The following SPMIP3 variants were observed in gnomAD, a reference collection of about 807,000 sequenced individuals.
SPMIP3 encodes protein SPMIP3.
At chr1:244,386,388 C>G in the SPMIP3 span, among the ~76,000 whole-genome samples, 481 of 152,208 alleles carry the variant, frequency 3.2e-3, 13 homozygotes, top group East Asian at 0.082. Flanking sequence ...ATAAGGAAAT[C>G]CAAAAAATCA....
the SPMIP3 span, chr1:244,378,577 C>T: frequency 1.2e-6 from 2 of 1,614,118 alleles, no homozygotes; most frequent in Non-Finnish European, 8.5e-7. Context: ...TCAAAGCCTG[C>T]CGAGCCATGG....
At chr1:244,373,527 C>T in the SPMIP3 span, among the ~76,000 whole-genome samples, 2 of 150,606 alleles carry the variant, frequency 1.3e-5, no homozygotes, top group East Asian at 4.0e-4. Flanking sequence ...CAACAGCAAA[C>T]CTCACAAAGA....
chr1:244,354,099 TACTC>T, the SPMIP3 span, among the ~76,000 whole-genome samples: 2 of 152,164 alleles, frequency 1.3e-5, no homozygotes, highest in African/African-American at 2.4e-5. Flanking sequence ...GGATGCAACT[TACTC>T]ACCAGCTCAC....
the SPMIP3 span, among the ~76,000 whole-genome samples, chr1:244,381,064 G>A: frequency 6.6e-6 from 1 of 152,064 alleles, no homozygotes; most frequent in African/African-American, 2.4e-5. Context: ...GGCGTGCAGA[G>A]TGGTAGGGGT....
At chr1:244,380,273 C>T in the SPMIP3 span, among the ~76,000 whole-genome samples, 1 of 151,844 alleles carries the variant, frequency 6.6e-6, no homozygotes, top group Non-Finnish European at 1.5e-5. Context: ...GTATGCGCCA[C>T]CATGCCCAGC....
the SPMIP3 span, among the ~76,000 whole-genome samples, chr1:244,369,810 C>T: frequency 0.039 from 5,986 of 151,920 alleles, 400 homozygotes; most frequent in East Asian, 0.29. Context: ...AGAAGCTGGC[C>T]GCCCCACCCT....
At chr1:244,358,434 A>C in the SPMIP3 span, among the ~76,000 whole-genome samples, 46,463 of 151,420 alleles carry the variant, frequency 0.31, 7,766 homozygotes, top group East Asian at 0.54. Context: ...AAAATACAAA[A>C]ACTAGCTAGG....
chr1:244,375,629 G>GTTT, the SPMIP3 span: 19 of 357,858 alleles, frequency 5.3e-5, no homozygotes, highest in South Asian at 9.9e-5. Context: ...AACTGTTAAT[G>GTTT]TTTTTTTTTT....
At chr1:244,370,303 C>A in the SPMIP3 span, among the ~76,000 whole-genome samples, 1 of 152,138 alleles carries the variant, frequency 6.6e-6, no homozygotes, top group African/African-American at 2.4e-5. Context: ...CTTGTGGAGC[C>A]GGCAGAGCCT....
the SPMIP3 span, among the ~76,000 whole-genome samples, chr1:244,368,597 T>G: frequency 6.6e-6 from 1 of 152,230 alleles, no homozygotes; most frequent in East Asian, 1.9e-4. Context: ...AGATTACCAT[T>G]CCTGGTAGGC....
the SPMIP3 span, among the ~76,000 whole-genome samples, chr1:244,367,100 G>A: frequency 1.3e-5 from 2 of 152,076 alleles, no homozygotes; most frequent in African/African-American, 4.8e-5. Context: ...GCGGTCTAGG[G>A]AGGAGGAAGT....
At chr1:244,382,192 G>C in the SPMIP3 span, among the ~76,000 whole-genome samples, 18 of 150,016 alleles carry the variant, frequency 1.2e-4, no homozygotes, top group African/African-American at 4.5e-4. Flanking sequence ...ATTCTGGTGG[G>C]GGATATACAG....
chr1:244,369,971 C>A, the SPMIP3 span, among the ~76,000 whole-genome samples: 1 of 152,102 alleles, frequency 6.6e-6, no homozygotes, highest in Non-Finnish European at 1.5e-5. Flanking sequence ...TTTCTATGGG[C>A]ACAGCTGCCA....
the SPMIP3 span, among the ~76,000 whole-genome samples, chr1:244,353,126 C>A: frequency 2.6e-5 from 4 of 152,120 alleles, no homozygotes; most frequent in South Asian, 2.1e-4. Context: ...CCTTGGACAG[C>A]GAACACTTTG....
the SPMIP3 span, chr1:244,378,494 C>T: frequency 1.2e-6 from 2 of 1,613,620 alleles, no homozygotes; most frequent in South Asian, 2.2e-5. Context: ...CAATTCCACC[C>T]AAGACAAAAT....
the SPMIP3 span, among the ~76,000 whole-genome samples, chr1:244,364,128 G>A: frequency 2.0e-5 from 3 of 149,916 alleles, no homozygotes; most frequent in East Asian, 3.9e-4. Flanking sequence ...TTTTTTTGAC[G>A]GAGTCTCACT....
At chr1:244,361,589 G>A in the SPMIP3 span, among the ~76,000 whole-genome samples, 1 of 151,584 alleles carries the variant, frequency 6.6e-6, no homozygotes, top group Non-Finnish European at 1.5e-5. Context: ...ACAAAGAAAT[G>A]ATAAATTCTT....
chr1:244,377,567 T>C, the SPMIP3 span, among the ~76,000 whole-genome samples: 2 of 152,258 alleles, frequency 1.3e-5, no homozygotes, highest in African/African-American at 4.8e-5. Context: ...GCTAAGTCTT[T>C]GTTGACATCC....
At chr1:244,388,993 C>T in the SPMIP3 span, 80 of 1,613,780 alleles carry the variant, frequency 5.0e-5, no homozygotes, top group South Asian at 6.6e-5. Flanking sequence ...AATCCTCGAC[C>T]GCTTAATTCA....
Sources: gnomAD v4.1 joint callset for allele counts (sites outside exome capture counted in the v4.1 genomes callset) on GRCh38, gnomAD v4.1.1 for gene constraint, MANE v1.5 for transcripts, NCBI Gene and HGNC (gene_info 2026-07-23, HGNC 2026-07-21) for gene names.